The following BAZ1A variants were observed in gnomAD, a reference collection of about 807,000 sequenced individuals.
The protein encoded by BAZ1A is bromodomain adjacent to zinc finger domain protein 1A.
Under a neutral mutation model 185.2 loss-of-function variants are expected in BAZ1A, and 50 were observed. That is an observed-to-expected ratio of 0.27 (90% confidence interval 0.22 to 0.34). The LOEUF (loss-of-function observed/expected upper bound fraction) is 0.34, where lower values mean the gene tolerates loss of function less well. Among genes scored for constraint, BAZ1A ranks in the 10% least tolerant of loss-of-function variants. The probability of loss-of-function intolerance (pLI) is 1.00; values close to 1 mark genes in which losing one functional copy is unlikely to be tolerated. For synonymous variants in BAZ1A, 571 were observed against 615.6 expected (o/e 0.93, Z 1.07); for missense variants, 1,356 against 1,839.9 (o/e 0.74, Z 4.81).
chr14:34,841,677 G>A (rs1034029881), intron 3 of BAZ1A, among the ~76,000 whole-genome samples: 2 of 152,086 alleles, frequency 1.3e-5, no homozygotes, highest in Admixed American at 6.6e-5. Flanking sequence ...GTGAGCCACC[G>A]CGCCCAGCCT....
At chr14:34,867,959 C>T (rs1298316477) in intron 2 of BAZ1A, among the ~76,000 whole-genome samples, 1 of 152,192 alleles carries the variant, frequency 6.6e-6, no homozygotes, top group Non-Finnish European at 1.5e-5. Context: ...ACTAACGAAA[C>T]TTACAAGAAA....
rs2042161984 is a variant in BAZ1A, at chr14:34,826,130, A to C, written c.419T>G (p.Leu140Arg). ...AAAACCATTTTGATGTGATGGAGGG[A>C]GGACTTCCAAAATCCTACACTGCAA... ...ARLQCRILEV[L>R]PPSHQNGFAN... The change falls in exon 4 of 27, where the codon CTC (leucine) becomes CGC (arginine). Residue 140 changes from leucine to arginine, a missense_variant. By Grantham distance (102) the Leu-to-Arg change is moderately radical. Coordinates refer to ENST00000360310, the MANE Select transcript of BAZ1A (RefSeq NM_013448.3). 1.2e-6 allele frequency: 2 copies of C among 1,610,722 alleles called. No individual in the cohort carries two copies. The highest frequency in any genetic ancestry group is 2.7e-5 in the African/African-American group (2 of 74,820).
chr14:34,783,300 C>T, intron 15 of BAZ1A, 68 bp from the exon 16 acceptor site: 1 of 883,574 alleles, frequency 1.1e-6, no homozygotes. Context: ...AGCATCTTGT[C>T]TTTAATCAAA....
Position 34,774,985 on chromosome 14 carries a change from CG to C in BAZ1A, c.2834-496del, listed in dbSNP as rs1179161498. Among the ~76,000 whole-genome samples, 6 of 152,156 alleles carry C rather than the reference CG, an allele frequency of 3.9e-5. No individual in the cohort carries two copies. In the South Asian group the frequency reaches 6.2e-4, roughly 16 times the overall value. On this transcript the variant is annotated intron_variant, in intron 18 of 26. Coordinates refer to ENST00000360310, the MANE Select transcript of BAZ1A (RefSeq NM_013448.3). ...ATCCCAGCACTTTGGGAGACCAAGG[CG>C]GGTGGATTACCTGAGGTCAGGAGTT...
intron 4 of BAZ1A, among the ~76,000 whole-genome samples, chr14:34,811,453 A>T (rs988062212): frequency 6.6e-6 from 1 of 151,766 alleles, no homozygotes; most frequent in African/African-American, 2.4e-5. Flanking sequence ...ATATTTCAAA[A>T]TTTTAAAATT....
rs757200274 is a variant in BAZ1A, at chr14:34,783,143, T to C, written c.2087A>G (p.Asn696Ser). Residue 696 changes from asparagine to serine, a missense_variant, in exon 16 of 27, where the codon AAT becomes AGT. Physicochemically the swap from Asn to Ser is conservative, Grantham distance 46. Around this residue, in one of 7 missense-constraint regions of BAZ1A, gnomAD observed 434 missense variants for 561.7 expected, o/e 0.77. Transcript: ENST00000360310. ...QEKLKEDEQRNSTADISIGEE... is the reference protein window; with the variant it reads ...QEKLKEDEQRSSTADISIGEE... Reference sequence around the variant, plus strand: ...CCCAATAGATATATCTGCCGTTGAATTTCTTTGCTCATCTTCTTTCAGTTT... The same window carrying C: ...CCCAATAGATATATCTGCCGTTGAACTTCTTTGCTCATCTTCTTTCAGTTT... The C allele has an allele frequency of 6.1e-5, 98 of 1,608,648 alleles. No individual in the cohort carries two copies. The highest frequency in any genetic ancestry group is 7.3e-5 in the Non-Finnish European group (86 of 1,176,218).
At chr14:34,857,639 T>C (rs1055005735) in intron 3 of BAZ1A, among the ~76,000 whole-genome samples, 1 of 152,232 alleles carries the variant, frequency 6.6e-6, no homozygotes, top group Non-Finnish European at 1.5e-5. Context: ...TCTCCATTTG[T>C]ACTGCTGCCA....
intron 3 of BAZ1A, among the ~76,000 whole-genome samples, chr14:34,845,094 T>C (rs1193362789): frequency 6.6e-6 from 1 of 152,156 alleles, no homozygotes; most frequent in Non-Finnish European, 1.5e-5. Context: ...TGAACCTTTG[T>C]GTTTTTAAAA....
intron 15 of BAZ1A, 85 bp from the exon 16 acceptor site, chr14:34,783,317 A>G (rs1055806636): frequency 2.5e-6 from 2 of 802,460 alleles, no homozygotes; most frequent in Non-Finnish European, 4.1e-6. Flanking sequence ...CAAATCATGG[A>G]AAGTACTTCA....
intron 12 of BAZ1A, among the ~76,000 whole-genome samples, chr14:34,787,031 A>C (rs1227359888): frequency 1.3e-5 from 2 of 152,184 alleles, no homozygotes; most frequent in Non-Finnish European, 2.9e-5. Flanking sequence ...CTATTGAAAT[A>C]TCTTCATTAA....
chr14:34,801,818 A>T (rs1375592146), intron 7 of BAZ1A, among the ~76,000 whole-genome samples: 2 of 151,138 alleles, frequency 1.3e-5, no homozygotes, highest in Admixed American at 1.3e-4. Context: ...CTGAGGCAGA[A>T]CTGCTTGAAC....
In BAZ1A at chr14:34,764,908, C is replaced by G; in HGVS notation, c.3575G>C (p.Cys1192Ser). The G allele has an allele frequency of 1.9e-6, 3 of 1,614,088 alleles. No individual in the cohort carries two copies. The highest frequency in any genetic ancestry group is 2.5e-6 in the Non-Finnish European group (3 of 1,180,014). Residue 1192 changes from cysteine (C) to serine (S), a missense_variant, in exon 23 of 27, where the codon TGT (cysteine) becomes TCT (serine). By Grantham distance (112) the Cys-to-Ser change is moderately radical. Coordinates refer to ENST00000360310, the MANE Select transcript of BAZ1A (RefSeq NM_013448.3). ...ACGTTGCTTTGGTCGACATTCTGGA[C>G]AAAACCAGTCTCCTTCAGGCACAGT... ...LKTVPEGDWFCPECRPKQRSR... is the reference protein window; with the variant it reads ...LKTVPEGDWFSPECRPKQRSR...
intron 3 of BAZ1A, among the ~76,000 whole-genome samples, chr14:34,842,768 T>G (rs1159071247): frequency 6.6e-6 from 1 of 152,198 alleles, no homozygotes; most frequent in East Asian, 1.9e-4. Flanking sequence ...ATACTGCCTG[T>G]GCTTGAAAAC....
chr14:34,828,186 C>T (rs1003767600), intron 3 of BAZ1A, among the ~76,000 whole-genome samples: 6 of 148,470 alleles, frequency 4.0e-5, no homozygotes, highest in Admixed American at 2.1e-4. Context: ...CCAGCTACTC[C>T]GGAGGCTGAG....
intron 3 of BAZ1A, among the ~76,000 whole-genome samples, chr14:34,851,332 CAAAAAAAAAAAAA>C (rs71435818): frequency 1.4e-4 from 6 of 43,406 alleles, no homozygotes; most frequent in African/African-American, 4.7e-4. Flanking sequence ...GACCCTAGCT[CAAAAAAAAAAAAA>C]AAAAAAAAAA....
rs1484737807 is a variant in BAZ1A, at chr14:34,775,872, T to C, written c.2833+47A>G. 4.8e-6 allele frequency: 7 copies of C among 1,447,672 alleles called. No homozygotes were observed. The South Asian group carries it at 6.7e-5, about 14-fold the overall frequency. 89.7% of individuals were successfully genotyped at this position (1,447,672 alleles called of 1,614,324 possible). A position where few individuals can be genotyped will look rare whatever the true frequency, so the allele number is the denominator to read the frequency against. On this transcript the variant is annotated intron_variant, in intron 18 of 26. Transcript: ENST00000360310. ...ACGCTTAATCCTGAATGACCAGAGA[T>C]TAGGGGGAGGGAAAAAAAGTAAAAA...
rs1041412155 is a variant in BAZ1A, at chr14:34,803,615, A to C, written c.727-627T>G. 4.8e-5 allele frequency among the ~76,000 whole-genome samples: 6 copies of C among 124,038 alleles called. No homozygotes were observed. The Admixed American group carries it at 5.6e-4, about 12-fold the overall frequency. 81.4% of individuals were successfully genotyped at this position (124,038 alleles called of 152,430 possible). A position where few individuals can be genotyped will look rare whatever the true frequency, so the allele number is the denominator to read the frequency against. The stretch of plus-strand genomic sequence containing the variant: ...ATACAATAATTTGTTTTGCTTTGAC[A>C]AATTTTGTGAGATTTTCTACATAAA... On this transcript the variant is annotated intron_variant, in intron 6 of 26. Transcript: ENST00000360310.
chr14:34,874,300 C>T lies in BAZ1A; in HGVS notation c.113+192G>A, dbSNP rs940038048. 4.3e-5 allele frequency: 24 copies of T among 563,550 alleles called. No individual in the cohort carries two copies. The highest frequency in any genetic ancestry group is 6.8e-5 in the Non-Finnish European group (22 of 323,168). The allele number at this position is 563,550 out of a possible 1,614,324, so 34.9% of individuals were successfully genotyped here. A position where few individuals can be genotyped will look rare whatever the true frequency, so the allele number is the denominator to read the frequency against. On this transcript the variant is annotated intron_variant, in intron 2 of 26. Coordinates refer to ENST00000360310, the MANE Select transcript of BAZ1A (RefSeq NM_013448.3). This position sits in a 1 kb window ranked among gnomAD's most constrained non-coding sequence, Gnocchi z 4.7. ...ACTACCAACCCGCGTTCCCCACGCG[C>T]GCCGCCGCCAGTTGGCCCCGCGCGT...
intron 3 of BAZ1A, among the ~76,000 whole-genome samples, chr14:34,853,743 T>C (rs1235351406): frequency 6.6e-6 from 1 of 152,170 alleles, no homozygotes; most frequent in Non-Finnish European, 1.5e-5. Flanking sequence ...GCTGAGATGG[T>C]GCCACTGCAC....
Sources: allele counts gnomAD v4.1 joint callset (sites outside exome capture counted in the v4.1 genomes callset), GRCh38; gene constraint gnomAD v4.1.1; regional missense constraint gnomAD v4.1.1; non-coding constraint Gnocchi (gnomAD v3.1); transcripts MANE v1.5; gene names NCBI Gene and HGNC (gene_info 2026-07-23, HGNC 2026-07-21).